The following CTNNA3 variants were observed in gnomAD, a reference collection of about 807,000 sequenced individuals.
The protein encoded by CTNNA3 is catenin alpha-3.
CTNNA3 carries 76 observed loss-of-function variants against 95.7 expected under a neutral mutation model. That is an observed-to-expected ratio of 0.79 (90% confidence interval 0.66 to 0.96). The LOEUF is 0.96. CTNNA3 is among the 40% of genes least tolerant of loss of function. CTNNA3 has a pLI of 0.00. For missense variants in CTNNA3, 1,191 were observed against 1,089.8 expected (o/e 1.09, Z -1.31); for synonymous variants, 431 against 374.4 (o/e 1.15, Z -1.74).
chr10:66,550,566 A>G (rs1039799963), intron 10 of CTNNA3, among the ~76,000 whole-genome samples: 1 of 152,160 alleles, frequency 6.6e-6, no homozygotes, highest in East Asian at 1.9e-4. Flanking sequence ...GGCCTGCAAG[A>G]TGAAAATATT....
chr10:66,414,340 A>G (rs2093129805), intron 11 of CTNNA3, among the ~76,000 whole-genome samples: 1 of 152,148 alleles, frequency 6.6e-6, no homozygotes, highest in Non-Finnish European at 1.5e-5. Flanking sequence ...AGTGACAGGC[A>G]ATATCTAAAG....
intron 12 of CTNNA3, among the ~76,000 whole-genome samples, chr10:66,301,582 A>G (rs2091864135): frequency 6.6e-6 from 1 of 151,980 alleles, no homozygotes; most frequent in Non-Finnish European, 1.5e-5. Flanking sequence ...TCAAAAATCA[A>G]TTACTATAAT....
chr10:66,443,331 G>A (rs2093389871), intron 11 of CTNNA3, among the ~76,000 whole-genome samples: 1 of 152,162 alleles, frequency 6.6e-6, no homozygotes, highest in Non-Finnish European at 1.5e-5. Context: ...GCACGCAGCT[G>A]GAGATCTGAG....
upstream of CTNNA3, among the ~76,000 whole-genome samples, chr10:67,700,611 CA>C (rs1279125792): frequency 6.6e-6 from 1 of 152,060 alleles, no homozygotes; most frequent in African/African-American, 2.4e-5. Context: ...ACATCCACAC[CA>C]AAAACCCATC....
intron 11 of CTNNA3, among the ~76,000 whole-genome samples, chr10:66,483,019 T>C (rs760691543): frequency 2.0e-5 from 3 of 152,122 alleles, no homozygotes; most frequent in Non-Finnish European, 4.4e-5. Flanking sequence ...AGGTTGGAGA[T>C]AAAGAAGGAC....
intron 12 of CTNNA3, among the ~76,000 whole-genome samples, chr10:66,321,731 G>A (rs1013102886): frequency 5.3e-5 from 8 of 151,846 alleles, no homozygotes; most frequent in African/African-American, 1.9e-4. Context: ...CCAAAATACT[G>A]TGTTTACAAT....
At chr10:66,567,559 C>T (rs771368146) in intron 10 of CTNNA3, among the ~76,000 whole-genome samples, 102 of 151,854 alleles carry the variant, frequency 6.7e-4, no homozygotes, top group Non-Finnish European at 9.7e-4. Context: ...GTAGAGACTG[C>T]GGTGAATCAT....
At chr10:66,631,944 T>G (rs1296963788) in intron 9 of CTNNA3, among the ~76,000 whole-genome samples, 1 of 140,328 alleles carries the variant, frequency 7.1e-6, no homozygotes, top group Non-Finnish European at 1.6e-5. Flanking sequence ...ATTTTAAAAG[T>G]TTTCATGACA....
At chr10:67,043,784 T>C in intron 7 of CTNNA3, among the ~76,000 whole-genome samples, 1 of 152,122 alleles carries the variant, frequency 6.6e-6, no homozygotes, top group Non-Finnish European at 1.5e-5. Context: ...TCTGATTAGG[T>C]TTTATGCACA....
chr10:65,919,155 G>A lies in CTNNA3; in HGVS notation c.*1175C>T, dbSNP rs1305160692. Reference sequence around the variant, plus strand: ...AAGACAGAGAGAGGCAGGTCATCAGGGGAGAGAAAAAGAGAGAGAGAATGA... The same window carrying A: ...AAGACAGAGAGAGGCAGGTCATCAGAGGAGAGAAAAAGAGAGAGAGAATGA... On this transcript the variant is annotated 3_prime_UTR_variant, in exon 18 of 18. Transcript: ENST00000433211. 6.6e-6 allele frequency: 1 copy of A among 152,048 alleles called. No homozygotes were observed. Among genetic ancestry groups the A allele is most frequent in the Admixed American group, 6.6e-5 (1 of 15,264 alleles). The allele number at this position is 152,048 out of a possible 1,614,324, so 9.4% of individuals were successfully genotyped here.
rs936451479 is a variant in CTNNA3, at chr10:66,738,620, C to T, written c.1281+27644G>A. On this transcript the variant is annotated intron_variant, in intron 9 of 17. Coordinates refer to ENST00000433211, the MANE Select transcript of CTNNA3 (RefSeq NM_013266.4). ...TCTGTAGAAAGAGTTTGGTCTTCAT[C>T]GATTTGAACAAGGGGATCTTTACCC... is the stretch of plus-strand genomic sequence containing the variant. Among the ~76,000 whole-genome samples the T allele has an allele frequency of 4.6e-5, 7 of 152,230 alleles. No homozygotes were observed. The South Asian group carries it at 1.5e-3, about 32-fold the overall frequency.
intron 6 of CTNNA3, 31 bp from the exon 7 acceptor site, chr10:67,180,551 G>C: frequency 6.6e-7 from 1 of 1,517,072 alleles, no homozygotes; most frequent in African/African-American, 1.4e-5. Context: ...TATGGTTAGA[G>C]CTCCATGGCA....
chr10:66,773,256 C>A (rs543883507), intron 8 of CTNNA3, among the ~76,000 whole-genome samples: 1 of 152,298 alleles, frequency 6.6e-6, no homozygotes, highest in South Asian at 2.1e-4. Flanking sequence ...TCTCCTACAA[C>A]AGACAGAACT....
intron 1 of CTNNA3, among the ~76,000 whole-genome samples, chr10:67,755,151 C>G (rs1439548833): frequency 6.6e-6 from 1 of 151,514 alleles, no homozygotes; most frequent in Admixed American, 6.6e-5. Flanking sequence ...TATGATCACT[C>G]CACTGCACTC....
intron 15 of CTNNA3, among the ~76,000 whole-genome samples, chr10:66,035,861 A>T (rs1025701065): frequency 2.0e-5 from 3 of 152,132 alleles, no homozygotes; most frequent in Non-Finnish European, 4.4e-5. Context: ...ATTTTTAAGG[A>T]TTACTTAAAA....
chr10:67,227,436 C>T (rs770910640), intron 5 of CTNNA3, among the ~76,000 whole-genome samples: 25 of 152,080 alleles, frequency 1.6e-4, no homozygotes, highest in African/African-American at 7.2e-5. Context: ...CTTAAAGCAA[C>T]AGCAGCCAAA....
chr10:67,227,334 G>A (rs1378830972), intron 5 of CTNNA3, among the ~76,000 whole-genome samples: 1 of 152,026 alleles, frequency 6.6e-6, no homozygotes, highest in Non-Finnish European at 1.5e-5. Flanking sequence ...CAGGTGATCT[G>A]CCCGCCTTGG....
At chr10:66,580,926 G>A (rs751271028) in intron 10 of CTNNA3, among the ~76,000 whole-genome samples, 1 of 151,640 alleles carries the variant, frequency 6.6e-6, no homozygotes, top group Non-Finnish European at 1.5e-5. Flanking sequence ...AGTCTTCGAT[G>A]TCTATTATAC....
At chr10:66,015,529 A>C (rs918546613) in intron 15 of CTNNA3, among the ~76,000 whole-genome samples, 1 of 152,162 alleles carries the variant, frequency 6.6e-6, no homozygotes, top group African/African-American at 2.4e-5. Flanking sequence ...AGTAACTGTG[A>C]CTGAGATTGC....
Sources: gnomAD v4.1 joint callset for allele counts (sites outside exome capture counted in the v4.1 genomes callset) on GRCh38, gnomAD v4.1.1 for gene constraint, MANE v1.5 for transcripts, NCBI Gene and HGNC (gene_info 2026-07-23, HGNC 2026-07-21) for gene names.